DIP2C: variants seen among roughly 807,000 people sequenced by gnomAD.
DIP2C encodes the protein DIP2 acetate--CoA ligase C (putative), also known as disco-interacting protein 2 homolog C.
DIP2C carries 33 observed loss-of-function variants against 192.4 expected under a neutral mutation model. The observed-to-expected ratio is 0.17, with a 90% confidence interval of 0.13 to 0.23. The LOEUF is 0.23. Among genes scored for constraint, DIP2C ranks in the 10% least tolerant of loss-of-function variants. The pLI is 1.00. For synonymous variants in DIP2C, 979 were observed against 864.1 expected (o/e 1.13, Z -2.33); for missense variants, 1,537 against 2,110.1 (o/e 0.73, Z 5.32).
At chr10:556,396 ACAC>A (rs1399483506) in intron 1 of DIP2C, among the ~76,000 whole-genome samples, 2 of 105,906 alleles carry the variant, frequency 1.9e-5, no homozygotes, top group African/African-American at 8.1e-5. Context: ...CCCGCTGCGC[ACAC>A]CACCATCTCT....
intron 1 of DIP2C, among the ~76,000 whole-genome samples, chr10:644,436 C>G (rs1052090903): frequency 2.0e-5 from 3 of 152,284 alleles, no homozygotes; most frequent in Non-Finnish European, 4.4e-5. Context: ...GAGAAGGAAA[C>G]GATCCCATCA....
chr10:551,748 C>T (rs1848599880), intron 1 of DIP2C, among the ~76,000 whole-genome samples: 2 of 152,192 alleles, frequency 1.3e-5, no homozygotes, highest in South Asian at 2.1e-4. Context: ...AGAATTCAGC[C>T]AGCTCTCTCA....
intron 1 of DIP2C, among the ~76,000 whole-genome samples, chr10:657,730 C>A (rs1856462068): frequency 1.5e-5 from 2 of 129,482 alleles, no homozygotes; most frequent in Admixed American, 7.7e-5. Flanking sequence ...CCTGGACCTG[C>A]CGCTGGACCT....
At chr10:640,555 G>C (rs1855113696) in intron 1 of DIP2C, among the ~76,000 whole-genome samples, 1 of 152,174 alleles carries the variant, frequency 6.6e-6, no homozygotes, top group Admixed American at 6.5e-5. Context: ...AGAAACACAC[G>C]ACAGACCCCG....
intron 31 of DIP2C, among the ~76,000 whole-genome samples, chr10:326,509 G>A (rs1957277788): frequency 6.6e-6 from 1 of 152,250 alleles, no homozygotes; most frequent in Non-Finnish European, 1.5e-5. Flanking sequence ...CAGCTTGTCA[G>A]CCACTGTTAA....
At chr10:556,056 C>T (rs942150342) in intron 1 of DIP2C, among the ~76,000 whole-genome samples, 41 of 151,748 alleles carry the variant, frequency 2.7e-4, no homozygotes, top group Admixed American at 2.4e-3. Context: ...CCACCTCTCC[C>T]ACAATCGGAT....
chr10:649,972 T>C (rs887802747), intron 1 of DIP2C: 6 of 620,304 alleles, frequency 9.7e-6, no homozygotes, highest in East Asian at 5.5e-5. Context: ...GAAAAGGAAA[T>C]GTAAGCAGTG....
intron 1 of DIP2C, among the ~76,000 whole-genome samples, chr10:604,292 GAACAC>G (rs1852314800): frequency 6.6e-6 from 1 of 152,066 alleles, no homozygotes; most frequent in Non-Finnish European, 1.5e-5. Context: ...TCCTCCTAAT[GAACAC>G]ATCAGTCACC....
intron 1 of DIP2C, among the ~76,000 whole-genome samples, chr10:560,968 C>G (rs2605905): frequency 0.17 from 26,067 of 152,110 alleles, 3,280 homozygotes; most frequent in African/African-American, 0.35. Context: ...ACCCCTTAAT[C>G]GTACAACTCT....
At chr10:458,005 G>C (rs773956403) in intron 3 of DIP2C, among the ~76,000 whole-genome samples, 1 of 152,198 alleles carries the variant, frequency 6.6e-6, no homozygotes. Flanking sequence ...TCCAGCATGA[G>C]AGCCGCCCAG....
chr10:499,507 A>G (rs1451239824), intron 1 of DIP2C, among the ~76,000 whole-genome samples: 3 of 152,240 alleles, frequency 2.0e-5, no homozygotes, highest in Admixed American at 6.5e-5. Context: ...CCTATCTTAC[A>G]TGGCGGCAGG....
Position 518,571 on chromosome 10 carries a change from C to T in DIP2C, c.86-32041G>A, listed in dbSNP as rs182549711. 1.4e-3 allele frequency among the ~76,000 whole-genome samples: 213 copies of T among 152,336 alleles called. 1 individual carries two copies. Among genetic ancestry groups the T allele is most frequent in the African/African-American group, 4.8e-3 (201 of 41,576 alleles). On this transcript the variant is annotated intron_variant, in intron 1 of 36. Coordinates refer to ENST00000280886, the MANE Select transcript of DIP2C (RefSeq NM_014974.3). ...AAAGGGGCCCAGCAACTCTCTTGCC[C>T]TCCCACTGTGTCAGGGCCAGAGAGA...
At chr10:484,294 C>T (rs1387763279) in intron 2 of DIP2C, among the ~76,000 whole-genome samples, 2 of 152,216 alleles carry the variant, frequency 1.3e-5, no homozygotes, top group African/African-American at 4.8e-5. Flanking sequence ...ATCCTTACCT[C>T]TAAGAACATA....
chr10:551,990 G>A (rs1848616425), intron 1 of DIP2C, among the ~76,000 whole-genome samples: 1 of 152,242 alleles, frequency 6.6e-6, no homozygotes, highest in African/African-American at 2.4e-5. Flanking sequence ...GCCACATGCA[G>A]GCATCAAAGG....
intron 1 of DIP2C, among the ~76,000 whole-genome samples, chr10:562,043 G>T (rs913835268): frequency 1.3e-5 from 2 of 152,208 alleles, no homozygotes; most frequent in South Asian, 2.1e-4. Context: ...ACGTTCCGAA[G>T]GATGCATTTT....
At chr10:320,432 C>T (rs1956954300) in intron 31 of DIP2C, among the ~76,000 whole-genome samples, 1 of 150,330 alleles carries the variant, frequency 6.7e-6, no homozygotes, top group African/African-American at 2.5e-5. Context: ...CACTTGAACC[C>T]AGGAGGCAGA....
At chr10:654,743 C>T (rs1031880901) in intron 1 of DIP2C, among the ~76,000 whole-genome samples, 8 of 152,264 alleles carry the variant, frequency 5.3e-5, no homozygotes, top group African/African-American at 1.2e-4. Context: ...CCAGTAACGC[C>T]CCACTGAAGA....
chr10:556,072 G>GCTTGTCCTGGGCCCC, intron 1 of DIP2C, among the ~76,000 whole-genome samples: 5 of 147,490 alleles, frequency 3.4e-5, no homozygotes, highest in African/African-American at 1.0e-4. Context: ...CGGATCCCAG[G>GCTTGTCCTGGGCCCC]ACAGCACCCA....
rs375474807 is a variant in DIP2C, at chr10:378,106, C to T, written c.1991+4541G>A. Among the ~76,000 whole-genome samples the T allele has an allele frequency of 2.1e-3, 322 of 152,272 alleles. 2 individuals carry two copies. Among genetic ancestry groups the T allele is most frequent in the African/African-American group, 7.1e-3 (297 of 41,546 alleles). ...TTGCAATTTGTCCTTTAAAAAATGT[C>T]TGATGAGTTTAGGCACCACAAGCCC... On this transcript the variant is annotated intron_variant, in intron 17 of 36. Transcript: ENST00000280886.
Sources: gnomAD v4.1 joint callset for allele counts (sites outside exome capture counted in the v4.1 genomes callset) on GRCh38, gnomAD v4.1.1 for gene constraint, MANE v1.5 for transcripts, NCBI Gene and HGNC (gene_info 2026-07-23, HGNC 2026-07-21) for gene names.